The following PTK2 variants were observed in gnomAD, a reference collection of about 807,000 sequenced individuals.
PTK2 encodes focal adhesion kinase 1.
A neutral mutation model predicts 150.1 loss-of-function variants in PTK2; 45 were observed. The ratio of observed to expected loss-of-function variants is 0.30; its 90% CI spans 0.24 to 0.38. The LOEUF is 0.38. PTK2 is among the 10% of genes least tolerant of loss of function. The pLI is 1.00. For missense variants in PTK2, 919 were observed against 1,307.3 expected, an observed-to-expected ratio of 0.70 and a Z score of 4.58; for synonymous variants, 432 against 449.2, an observed-to-expected ratio of 0.96 and a Z score of 0.48.
chr8:141,001,686 A>G (rs2100200304), upstream of PTK2, among the ~76,000 whole-genome samples: 1 of 151,788 alleles, frequency 6.6e-6, no homozygotes, highest in Admixed American at 6.5e-5. Flanking sequence ...CCCTCTGGAG[A>G]ACCTCCCTCC....
At chr8:140,897,527 C>T in intron 2 of PTK2, among the ~76,000 whole-genome samples, 1 of 152,148 alleles carries the variant, frequency 6.6e-6, no homozygotes, top group Admixed American at 6.6e-5. Flanking sequence ...TGTTAACCTC[C>T]CAAGTACCCT....
chr8:140,792,888 G>C (rs1432661061), intron 13 of PTK2, among the ~76,000 whole-genome samples: 2 of 152,126 alleles, frequency 1.3e-5, no homozygotes. Context: ...CTAGCAAATT[G>C]GCTGAGAATA....
At chr8:140,669,661 T>C (rs2094525710) in intron 29 of PTK2, 66 bp downstream of exon 33, 2 of 1,502,608 alleles carry the variant, frequency 1.3e-6, no homozygotes. Flanking sequence ...CAGTCCAAAG[T>C]TACATGCAGA....
At chr8:140,865,761 C>A (rs1171027200) in intron 4 of PTK2, among the ~76,000 whole-genome samples, 1 of 152,174 alleles carries the variant, frequency 6.6e-6, no homozygotes, top group Non-Finnish European at 1.5e-5. Context: ...ATTTACCAGG[C>A]ACGTAACTAC....
chr8:141,000,585 G>A (rs10093977), intron 1 of PTK2, among the ~76,000 whole-genome samples: 63,079 of 150,940 alleles, frequency 0.42, 15,048 homozygotes, highest in Non-Finnish European at 0.55. Context: ...CCGCGCCTCT[G>A]TCCGCCCTGC....
intron 1 of PTK2, among the ~76,000 whole-genome samples, chr8:140,943,406 C>G (rs981446835): frequency 6.6e-6 from 1 of 152,218 alleles, no homozygotes; most frequent in African/African-American, 2.4e-5. Flanking sequence ...TTAGGTGCGT[C>G]AGCAGTTAGT....
intron 4 of PTK2, among the ~76,000 whole-genome samples, chr8:140,869,892 C>T (rs1431739790): frequency 6.6e-6 from 1 of 151,292 alleles, no homozygotes; most frequent in Non-Finnish European, 1.5e-5. Context: ...AAAAGTAAAT[C>T]GACAATTACA....
At chr8:140,680,129 G>A (rs2100016194) in intron 27 of PTK2, among the ~76,000 whole-genome samples, 1 of 152,334 alleles carries the variant, frequency 6.6e-6, no homozygotes, top group Non-Finnish European at 1.5e-5. Context: ...TACTAAGCCA[G>A]GACCTCAGTT....
rs111535830 is a variant in PTK2, at chr8:140,827,960, C to T, written c.648+2512G>A. ...GGTGGGTGGATCACTTGAGCTCAGG[C>T]GTTCGAGACCAGCCCAACCAACACA... On this transcript the variant is annotated intron_variant, in intron 8 of 31. Transcript: ENST00000522684. Among the ~76,000 whole-genome samples the T allele has an allele frequency of 4.0e-3, 614 of 152,034 alleles. 9 individuals carry two copies. The highest frequency in any genetic ancestry group is 0.014 in the African/African-American group (587 of 41,484).
chr8:140,762,279 A>C, intron 15 of PTK2, 89 bp downstream of exon 18: 1 of 723,582 alleles, frequency 1.4e-6, no homozygotes, highest in Non-Finnish European at 1.7e-6. Context: ...ATAGTTTAAA[A>C]ATAAGTTAAC....
chr8:140,873,702 G>A (rs576704417), intron 4 of PTK2, among the ~76,000 whole-genome samples: 10 of 152,132 alleles, frequency 6.6e-5, no homozygotes, highest in Non-Finnish European at 1.3e-4. Context: ...TTGACCTCAG[G>A]TGATTCGCCC....
chr8:140,764,731 A>C (rs1429501171), intron 14 of PTK2, among the ~76,000 whole-genome samples: 1 of 152,238 alleles, frequency 6.6e-6, no homozygotes. Flanking sequence ...TTGACAGCAT[A>C]ATCTGAACGG....
intron 1 of PTK2, among the ~76,000 whole-genome samples, chr8:140,927,975 A>ATATATATATATATATAT (rs1367767247): frequency 6.2e-5 from 3 of 48,186 alleles, no homozygotes; most frequent in African/African-American, 9.8e-5. Flanking sequence ...AAAAAAAAAA[A>ATATATATATATATATAT]ATATATATAT....
At position 140,834,974 on chromosome 8, in the gene PTK2, T is replaced by C. The variant is rs139173489; in HGVS notation, c.594-4448A>G. Among the ~76,000 whole-genome samples, 109 of 152,344 alleles carry C rather than the reference T, an allele frequency of 7.2e-4. 1 individual carries two copies. Among genetic ancestry groups the C allele is most frequent in the African/African-American group, 2.2e-3 (90 of 41,582 alleles). On this transcript the variant is annotated intron_variant, in intron 7 of 31. Coordinates refer to ENST00000522684, the Ensembl canonical transcript of PTK2. ...CTCCCACATTCCTGCATGATGACTA[T>C]GCACCTCCTCATATTCCTCCTTTCA...
intron 1 of PTK2, among the ~76,000 whole-genome samples, chr8:140,942,869 G>A (rs987014325): frequency 3.3e-5 from 5 of 152,108 alleles, no homozygotes; most frequent in African/African-American, 9.7e-5. Flanking sequence ...TCACGGGGGC[G>A]TATTCCTCAT....
chr8:140,935,702 CT>C (rs34554819), intron 1 of PTK2, among the ~76,000 whole-genome samples: 24 of 123,842 alleles, frequency 1.9e-4, no homozygotes, highest in African/African-American at 3.6e-4. Flanking sequence ...ATGTCCTCAT[CT>C]TTTTTTTTTT....
At chr8:140,832,086 G>A (rs1407307491) in intron 7 of PTK2, among the ~76,000 whole-genome samples, 3 of 152,010 alleles carry the variant, frequency 2.0e-5, no homozygotes, top group African/African-American at 4.8e-5. Context: ...ACTGAGTCTC[G>A]CTTTGTCACC....
At chr8:140,740,665 T>C (rs980787070) in intron 20 of PTK2, among the ~76,000 whole-genome samples, 16 of 152,242 alleles carry the variant, frequency 1.1e-4, no homozygotes, top group African/African-American at 3.4e-4. Flanking sequence ...TTGGACATCA[T>C]ACTACTTGGA....
intron 20 of PTK2, among the ~76,000 whole-genome samples, chr8:140,741,575 C>G (rs1593149755): frequency 6.6e-6 from 1 of 152,098 alleles, no homozygotes; most frequent in South Asian, 2.1e-4. Context: ...AAATAACAGA[C>G]TAGCTTTGCT....
Sources: gnomAD v4.1 joint callset for allele counts (sites outside exome capture counted in the v4.1 genomes callset) on GRCh38, gnomAD v4.1.1 for gene constraint, MANE v1.5 for transcripts, NCBI Gene and HGNC (gene_info 2026-07-23, HGNC 2026-07-21) for gene names.